Variants in TENM3 observed in about 807,000 individuals in gnomAD.
TENM3 encodes teneurin transmembrane protein 3.
A neutral mutation model predicts 255.1 loss-of-function variants in TENM3; 63 were observed. The ratio of observed to expected loss-of-function variants is 0.25; its 90% CI spans 0.20 to 0.30. TENM3 has a LOEUF of 0.30. Ranked by LOEUF, TENM3 falls within the 10% of genes least tolerant of loss-of-function variation. The pLI is 1.00. For synonymous variants in TENM3, 1,306 were observed against 1,322.3 expected (o/e 0.99, Z 0.27); for missense variants, 2,929 against 3,461.1 (o/e 0.85, Z 3.86).
At chr4:182,344,145 A>G (rs1764652183) in intron 2 of TENM3, among the ~76,000 whole-genome samples, 1 of 152,128 alleles carries the variant, frequency 6.6e-6, no homozygotes, top group East Asian at 1.9e-4. Flanking sequence ...CATCTCCTAA[A>G]CCAAGTCAGG....
the TENM3 span, among the ~76,000 whole-genome samples, chr4:181,909,918 C>T: frequency 6.6e-6 from 1 of 152,124 alleles, no homozygotes; most frequent in Non-Finnish European, 1.5e-5. Context: ...AATATATCCA[C>T]TGAAATTTTG....
chr4:182,563,778 G>C (rs1161685726), intron 3 of TENM3, among the ~76,000 whole-genome samples: 1 of 152,052 alleles, frequency 6.6e-6, no homozygotes, highest in Non-Finnish European at 1.5e-5. Context: ...GAATACACTA[G>C]GAAAAAAGCT....
intron 12 of TENM3, among the ~76,000 whole-genome samples, chr4:182,701,334 C>T (rs1380474589): frequency 6.7e-6 from 1 of 149,136 alleles, no homozygotes; most frequent in African/African-American, 2.5e-5. Flanking sequence ...AATTCTCCTG[C>T]CTCAGCCTCC....
the TENM3 span, among the ~76,000 whole-genome samples, chr4:182,089,314 A>G: frequency 6.6e-6 from 1 of 152,194 alleles, no homozygotes; most frequent in East Asian, 1.9e-4. Flanking sequence ...GAGTTGTGCC[A>G]AAAGTCGGGT....
chr4:182,080,813 G>C, the TENM3 span, among the ~76,000 whole-genome samples: 3 of 149,108 alleles, frequency 2.0e-5, no homozygotes, highest in Admixed American at 2.0e-4. Context: ...GCAACATAGG[G>C]AGACCCCGCC....
At chr4:182,030,130 C>T in the TENM3 span, among the ~76,000 whole-genome samples, 1 of 149,092 alleles carries the variant, frequency 6.7e-6, no homozygotes, top group Admixed American at 6.9e-5. Context: ...AGGTTTGTTA[C>T]ATAGGTAAAC....
chr4:181,800,886 C>T, the TENM3 span, among the ~76,000 whole-genome samples: 1 of 152,226 alleles, frequency 6.6e-6, no homozygotes, highest in Non-Finnish European at 1.5e-5. Flanking sequence ...CGGTGTATTT[C>T]TTGAATGTCA....
chr4:182,612,271 C>CAAAA (rs67422711), intron 4 of TENM3, among the ~76,000 whole-genome samples: 1 of 67,006 alleles, frequency 1.5e-5, no homozygotes, highest in Non-Finnish European at 3.0e-5. Context: ...GACTCGGTCT[C>CAAAA]AAAAAAAAAA....
In TENM3 at chr4:182,186,807, A is replaced by AGGTCC. The variant is rs1389589176; in HGVS notation, c.-76+42053_-76+42054insGGTCC. ...TATATATATATATATATATATATATATATATATGGTCCTACCCTGTTGAAT... is the reference window on the plus strand; with the variant it reads ...TATATATATATATATATATATATATAGGTCCTATATATGGTCCTACCCTGTTGAAT... On this transcript the variant is annotated intron_variant, in intron 1 of 2. Coordinates refer to the TENM3 transcript ENST00000512480. Among the ~76,000 whole-genome samples the AGGTCC allele has an allele frequency of 1.0e-4, 8 of 78,478 alleles. 1 individual carries two copies. The highest frequency in any genetic ancestry group is 3.4e-4 in the Admixed American group (2 of 5,870). 51.5% of individuals were successfully genotyped at this position (78,478 alleles called of 152,430 possible). A position where few individuals can be genotyped will look rare whatever the true frequency, so the allele number is the denominator to read the frequency against.
rs913765912 is a variant in TENM3 at position 182,738,368 on chromosome 4, G to A, written c.3236-33G>A. 2.6e-6 allele frequency: 4 copies of A among 1,533,098 alleles called. No homozygotes were observed. In the African/African-American group the frequency reaches 5.6e-5, roughly 21 times the overall value. 95.0% of individuals were successfully genotyped at this position (1,533,098 alleles called of 1,614,324 possible). On this transcript the variant is annotated intron_variant, in intron 17 of 27. Coordinates refer to ENST00000511685, the MANE Select transcript of TENM3 (RefSeq NM_001080477.4). ...ATAAATTGCATTTCCCCCAGTCGTTGGAAAGATGAGCTGTGATTTGTTTGG... is the reference window on the plus strand; with the variant it reads ...ATAAATTGCATTTCCCCCAGTCGTTAGAAAGATGAGCTGTGATTTGTTTGG...
the TENM3 span, among the ~76,000 whole-genome samples, chr4:182,041,764 T>C: frequency 6.6e-6 from 1 of 152,182 alleles, no homozygotes; most frequent in African/African-American, 2.4e-5. Flanking sequence ...GGAACCAAAA[T>C]GTCTCCAGTC....
chr4:181,892,330 C>A, the TENM3 span, among the ~76,000 whole-genome samples: 1 of 152,190 alleles, frequency 6.6e-6, no homozygotes, highest in Non-Finnish European at 1.5e-5. Flanking sequence ...CCGTGTCATA[C>A]TATGGTTACT....
At chr4:182,158,013 T>C (rs1407306717) in intron 1 of TENM3, among the ~76,000 whole-genome samples, 1 of 152,258 alleles carries the variant, frequency 6.6e-6, no homozygotes, top group East Asian at 1.9e-4. Context: ...CAGAGAAGTA[T>C]TTCTTTACTG....
chr4:182,497,387 A>G (rs1735879968), intron 3 of TENM3, among the ~76,000 whole-genome samples: 1 of 152,162 alleles, frequency 6.6e-6, no homozygotes, highest in Non-Finnish European at 1.5e-5. Flanking sequence ...CAACCATACT[A>G]AATTCCAGAA....
chr4:181,780,813 G>A, the TENM3 span, among the ~76,000 whole-genome samples: 1 of 152,178 alleles, frequency 6.6e-6, no homozygotes, highest in South Asian at 2.1e-4. Context: ...GTGTAAGGAA[G>A]GGATCCAGTT....
chr4:181,842,827 A>G, the TENM3 span, among the ~76,000 whole-genome samples: 4 of 152,232 alleles, frequency 2.6e-5, no homozygotes, highest in Admixed American at 6.5e-5. Flanking sequence ...TGGACATAGT[A>G]TACATTTGCA....
At chr4:182,063,436 AAAGT>A in the TENM3 span, among the ~76,000 whole-genome samples, 1 of 152,226 alleles carries the variant, frequency 6.6e-6, no homozygotes, top group Non-Finnish European at 1.5e-5. Context: ...CACTTGGATA[AAAGT>A]AAGTTTTAGC....
At chr4:181,990,904 C>A in the TENM3 span, among the ~76,000 whole-genome samples, 1 of 152,086 alleles carries the variant, frequency 6.6e-6, no homozygotes, top group African/African-American at 2.4e-5. Context: ...TCACAAAATA[C>A]TTACTAAGGG....
chr4:182,636,809 T>C (rs567715154), intron 5 of TENM3, among the ~76,000 whole-genome samples: 12 of 152,012 alleles, frequency 7.9e-5, no homozygotes, highest in Middle Eastern at 3.4e-3. Context: ...ACTTGAAAAA[T>C]ATTCAAAGAC....
Sources: gnomAD v4.1 joint callset for allele counts (sites outside exome capture counted in the v4.1 genomes callset) on GRCh38, gnomAD v4.1.1 for gene constraint, MANE v1.5 for transcripts, NCBI Gene and HGNC (gene_info 2026-07-23, HGNC 2026-07-21) for gene names.